The following ZNF483 variants were observed in gnomAD, a reference collection of about 807,000 sequenced individuals.
ZNF483 encodes zinc finger protein HIT-10.
Under a neutral mutation model 28.6 loss-of-function variants are expected in ZNF483, and 9 were observed. The ratio of observed to expected loss-of-function variants is 0.32; its 90% confidence interval spans 0.19 to 0.55. The LOEUF is 0.55. ZNF483 is among the 20% of genes least tolerant of loss of function. ZNF483 has a pLI of 0.93. For synonymous variants in ZNF483, 322 were observed against 306.2 expected (o/e 1.05, Z -0.54); for missense variants, 675 against 871.7 (o/e 0.77, Z 2.84).
At position 111,552,440 on chromosome 9, in the gene ZNF483, T is replaced by C. The variant is rs1390193987; in HGVS notation, c.*9270T>C. ...TTTCAGTATGTATCATGCAATAGAATAGAGCAATGAGGGAAAAGTTATCCT... is the reference window on the plus strand; with the variant it reads ...TTTCAGTATGTATCATGCAATAGAACAGAGCAATGAGGGAAAAGTTATCCT... On this transcript the variant is annotated 3_prime_UTR_variant, in exon 6 of 6. Transcript: ENST00000309235. 1.3e-5 allele frequency among the ~76,000 whole-genome samples: 2 copies of C among 152,202 alleles called. No homozygotes were observed. Among genetic ancestry groups the C allele is most frequent in the Non-Finnish European group, 2.9e-5 (2 of 68,028 alleles).
intron 5 of ZNF483, chr9:111,562,799 C>T: frequency 2.8e-6 from 1 of 357,118 alleles, no homozygotes; most frequent in Non-Finnish European, 4.4e-6. Flanking sequence ...CTCCCTATGT[C>T]CATGTGTTCT....
chr9:111,563,083 T>C (rs1390182062), intron 5 of ZNF483: 2 of 1,602,512 alleles, frequency 1.2e-6, no homozygotes, highest in Non-Finnish European at 1.7e-6. Flanking sequence ...AATTAACTAA[T>C]CATCTAAATG....
Position 111,542,163 on chromosome 9 carries a change from A to AC in ZNF483, c.1232dup (p.Met412TyrfsTer3). On this transcript the variant is annotated frameshift_variant, in exon 6 of 6. Coordinates refer to ENST00000309235, the MANE Select transcript of ZNF483 (RefSeq NM_133464.5). LOFTEE classifies it low-confidence loss of function (END_TRUNC). The surrounding 1 kb of genome is among the most constrained non-coding windows in gnomAD (Gnocchi z 6.2). ...AAGATCAACTCTTTCTAGGAGAAAA[A>AC]CCCCTATGTGTGAGAAATGTCGGAA... 1 of 1,614,054 alleles carries AC rather than the reference A, an allele frequency of 6.2e-7. No homozygotes were observed. Among genetic ancestry groups the AC allele is most frequent in the Non-Finnish European group, 8.5e-7 (1 of 1,180,004 alleles).
chr9:111,527,855 T>C (rs1444181726), intron 2 of ZNF483, 48 bp downstream of exon 2: 1 of 1,613,912 alleles, frequency 6.2e-7, no homozygotes, highest in Admixed American at 1.7e-5. Context: ...TGCCTCAAAG[T>C]CCGAAAGTAA....
At position 111,542,224 on chromosome 9, in the gene ZNF483, A is replaced by G. The variant is rs1299839733; in HGVS notation, c.1289A>G (p.Glu430Gly). ...SCQEAALNKD[E>G]GNESGEKTHK... is the part of the protein sequence containing the mutation. ...CAAGAAGCAGCCTTAAATAAAGATGAGGGAAATGAGAGTGGAGAAAAAACT... is the reference window on the plus strand; with the variant it reads ...CAAGAAGCAGCCTTAAATAAAGATGGGGGAAATGAGAGTGGAGAAAAAACT... The change falls in exon 6 of 6, where the codon GAG (glutamate) becomes GGG (glycine). Residue 430 changes from glutamate to glycine, a missense_variant. Physicochemically the swap from Glu to Gly is moderately conservative, Grantham distance 98 (BLOSUM62 -2). Around this residue, in one of 6 missense-constraint regions of ZNF483, gnomAD observed 525 missense variants for 581.8 expected, o/e 0.90. Coordinates refer to ENST00000309235, the MANE Select transcript of ZNF483 (RefSeq NM_133464.5). The surrounding 1 kb of genome is among the most constrained non-coding windows in gnomAD (Gnocchi z 6.2). 6.2e-7 allele frequency: 1 copy of G among 1,614,192 alleles called. No homozygotes were observed. Among genetic ancestry groups the G allele is most frequent in the Non-Finnish European group, 8.5e-7 (1 of 1,180,042 alleles).
At chr9:111,563,092 T>C (rs1828382796) in intron 5 of ZNF483, 1 of 1,608,072 alleles carries the variant, frequency 6.2e-7, no homozygotes, top group South Asian at 1.1e-5. Flanking sequence ...ATCATCTAAA[T>C]GGCCTCCAGA....
Position 111,544,896 on chromosome 9 carries a change from G to A in ZNF483, c.*1726G>A, listed in dbSNP as rs568272924. On this transcript the variant is annotated 3_prime_UTR_variant, in exon 6 of 6. Transcript: ENST00000309235. ...GAGGAACCCCATGGACTCAACAGTG[G>A]TCTAGAAATAAGTTCCTAAAGTTGA... 9.9e-4 allele frequency among the ~76,000 whole-genome samples: 150 copies of A among 152,248 alleles called. No homozygotes were observed. Among genetic ancestry groups the A allele is most frequent in the Non-Finnish European group, 1.7e-3 (118 of 68,008 alleles).
intron 5 of ZNF483, among the ~76,000 whole-genome samples, chr9:111,536,725 G>C (rs1482731889): frequency 6.7e-6 from 1 of 150,294 alleles, no homozygotes; most frequent in African/African-American, 2.5e-5. Context: ...CCCCCGTACA[G>C]TTGAAAATCC....
At chr9:111,535,439 A>T (rs189240391) in intron 5 of ZNF483, among the ~76,000 whole-genome samples, 303 of 151,988 alleles carry the variant, frequency 2.0e-3, no homozygotes, top group African/African-American at 7.1e-3. Context: ...ATTTTTGTTA[A>T]AGGGAAAAAA....
intron 3 of ZNF483, among the ~76,000 whole-genome samples, chr9:111,533,377 A>G (rs1827398214): frequency 6.6e-6 from 1 of 152,156 alleles, no homozygotes; most frequent in South Asian, 2.1e-4. Flanking sequence ...ATGCTATCCA[A>G]ACCATTCTTT....
intron 2 of ZNF483, among the ~76,000 whole-genome samples, chr9:111,528,198 A>C (rs1412522436): frequency 6.6e-6 from 1 of 152,210 alleles, no homozygotes; most frequent in African/African-American, 2.4e-5. Flanking sequence ...CATTGTGTGG[A>C]CTAGCACGTT....
chr9:111,542,584 C>T lies in ZNF483; in HGVS notation c.1649C>T (p.Pro550Leu). 1.9e-6 allele frequency: 3 copies of T among 1,613,978 alleles called. No homozygotes were observed. Among genetic ancestry groups the T allele is most frequent in the Non-Finnish European group, 2.5e-6 (3 of 1,179,978 alleles). The part of the protein sequence containing the change: ...QHQRIHTGEK[P>L]YTCSNCGKSF... The stretch of plus-strand genomic sequence containing the variant: ...CAGCGAATTCATACTGGAGAAAAAC[C>T]CTATACATGTAGCAATTGTGGAAAA... Residue 550 changes from proline (P) to leucine (L), a missense_variant, in exon 6 of 6, where the codon CCC becomes CTC. Pro to Leu is a moderately conservative substitution (Grantham distance 98, BLOSUM62 -3). Around this residue, in one of 6 missense-constraint regions of ZNF483, gnomAD observed 41 missense variants for 69.0 expected, o/e 0.59. Transcript: ENST00000309235. The surrounding 1 kb of genome is among the most constrained non-coding windows in gnomAD (Gnocchi z 6.2).
Position 111,541,986 on chromosome 9 carries a change from G to A in ZNF483, c.1051G>A (p.Glu351Lys). 1 of 1,614,058 alleles carries A rather than the reference G, an allele frequency of 6.2e-7. No individual in the cohort carries two copies. Among genetic ancestry groups the A allele is most frequent in the South Asian group, 1.1e-5 (1 of 91,070 alleles). The change falls in exon 6 of 6, where the codon GAG (glutamate) becomes AAG (lysine). Residue 351 changes from glutamate to lysine, a missense_variant. This residue lies in a region of ZNF483 where 525 missense variants were observed against 581.8 expected (regional missense o/e 0.90). Coordinates refer to ENST00000309235, the MANE Select transcript of ZNF483 (RefSeq NM_133464.5). ...TTCAGACCTTGTTCTGAACCGCAAG[G>A]AGAAAACCGCCGGAGAAAAGTCACG... ...FHSDLVLNRK[E>K]KTAGEKSRKS...
At position 111,553,831 on chromosome 9, in the gene ZNF483, C is replaced by T. The variant is rs925363129; in HGVS notation, c.*10661C>T. ...GTGACTACCATATTAAGTTGCTCTA[C>T]GCAATCCTAGCCACAGAGAACCCAA... On this transcript the variant is annotated 3_prime_UTR_variant, in exon 6 of 6. Transcript: ENST00000309235. Among the ~76,000 whole-genome samples, 14 of 152,332 alleles carry T rather than the reference C, an allele frequency of 9.2e-5. No homozygotes were observed. The East Asian group carries it at 1.2e-3, about 13-fold the overall frequency.
At chr9:111,539,247 G>A (rs1167619683) in intron 5 of ZNF483, among the ~76,000 whole-genome samples, 1 of 151,162 alleles carries the variant, frequency 6.6e-6, no homozygotes, top group Non-Finnish European at 1.5e-5. Context: ...TGAAAAAAAT[G>A]TTCAAACTCA....
chr9:111,577,660 C>A (rs551628426), exon 6 of ZNF483: 1 of 152,302 alleles, frequency 6.6e-6, no homozygotes, highest in Admixed American at 6.5e-5. Flanking sequence ...GCCTGGGCAA[C>A]ATGGCGAAAC....
At chr9:111,538,449 C>T (rs1179723200) in intron 5 of ZNF483, among the ~76,000 whole-genome samples, 1 of 150,276 alleles carries the variant, frequency 6.7e-6, no homozygotes, top group East Asian at 1.9e-4. Context: ...ATAATCATGC[C>T]ACTGTACTCC....
Position 111,544,358 on chromosome 9 carries a change from G to T in ZNF483, c.*1188G>T, listed in dbSNP as rs1042110279. 9 of 983,514 alleles carry T rather than the reference G, an allele frequency of 9.2e-6. No individual in the cohort carries two copies. The highest frequency in any genetic ancestry group is 9.7e-6 in the Non-Finnish European group (8 of 828,468). 60.9% of individuals were successfully genotyped at this position (983,514 alleles called of 1,614,324 possible). A position where few individuals can be genotyped will look rare whatever the true frequency, so the allele number is the denominator to read the frequency against. ...CTTGGGTGTGTGTGCATGTGTGTGT[G>T]TGTGTGTGTGTGTGTATACATTGTT... On this transcript the variant is annotated 3_prime_UTR_variant, in exon 6 of 6. Coordinates refer to ENST00000309235, the MANE Select transcript of ZNF483 (RefSeq NM_133464.5).
At position 111,546,815 on chromosome 9, in the gene ZNF483, C is replaced by T. The variant is rs1283750893; in HGVS notation, c.*3645C>T. On this transcript the variant is annotated 3_prime_UTR_variant, in exon 6 of 6. Coordinates refer to ENST00000309235, the MANE Select transcript of ZNF483 (RefSeq NM_133464.5). ...TTTTTCATCATCCCAAACTGAAACTCTGTACTCCTTAAACAGTAACTCCCC... is the reference window on the plus strand; with the variant it reads ...TTTTTCATCATCCCAAACTGAAACTTTGTACTCCTTAAACAGTAACTCCCC... 6.6e-6 allele frequency among the ~76,000 whole-genome samples: 1 copy of T among 152,178 alleles called. No individual in the cohort carries two copies. Among genetic ancestry groups the T allele is most frequent in the Non-Finnish European group, 1.5e-5 (1 of 68,008 alleles).
Sources: gnomAD v4.1 joint callset for allele counts (sites outside exome capture counted in the v4.1 genomes callset) on GRCh38, gnomAD v4.1.1 for gene constraint, gnomAD v4.1.1 regional missense constraint, Gnocchi (gnomAD v3.1) non-coding constraint, MANE v1.5 for transcripts, NCBI Gene and HGNC (gene_info 2026-07-23, HGNC 2026-07-21) for gene names.